Variants in NRG1 observed in about 807,000 individuals in gnomAD.
NRG1 encodes the protein pro-neuregulin-1, membrane-bound isoform.
In NRG1, 18 loss-of-function variants were observed where a neutral mutation model predicts 63.8. That is an observed-to-expected ratio of 0.28 (90% confidence interval 0.19 to 0.42). The LOEUF (loss-of-function observed/expected upper bound fraction) is 0.42, where lower values mean the gene tolerates loss of function less well. Ranked by LOEUF, NRG1 falls within the 10% of genes least tolerant of loss-of-function variation. NRG1 has a pLI of 1.00. For synonymous variants in NRG1, 302 were observed against 301.3 expected (o/e 1.00, Z -0.02); for missense variants, 762 against 814.7 (o/e 0.94, Z 0.79).
intron 1 of NRG1, among the ~76,000 whole-genome samples, chr8:31,909,390 T>G (rs980170261): frequency 2.0e-5 from 3 of 152,058 alleles, no homozygotes; most frequent in Non-Finnish European, 4.4e-5. Context: ...AGCAGAGGTC[T>G]TGACCAGACC....
chr8:31,645,623 A>G (rs1372945390), intron 1 of NRG1, among the ~76,000 whole-genome samples: 1 of 152,218 alleles, frequency 6.6e-6, no homozygotes, highest in African/African-American at 2.4e-5. Context: ...CAGACTTGCC[A>G]TCCAGGCATC....
chr8:32,659,743 G>A (rs1204386613), intron 5 of NRG1, among the ~76,000 whole-genome samples: 5 of 152,034 alleles, frequency 3.3e-5, no homozygotes, highest in East Asian at 1.9e-4. Flanking sequence ...TCTTCATCCC[G>A]ATGGACCATG....
exon 12 of NRG1, chr8:32,767,417 A>G (rs1036062110): frequency 6.6e-6 from 1 of 152,246 alleles, no homozygotes; most frequent in African/African-American, 2.4e-5. Flanking sequence ...TCCACCAGCC[A>G]GAGATTTCTA....
In NRG1 at chr8:32,163,639, A is replaced by G. The variant is rs115879589; in HGVS notation, c.38-432189A>G. Among the ~76,000 whole-genome samples the G allele has an allele frequency of 4.9e-3, 749 of 152,284 alleles. 5 individuals carry two copies. The highest frequency in any genetic ancestry group is 0.017 in the African/African-American group (718 of 41,566). On this transcript the variant is annotated intron_variant, in intron 1 of 10. Coordinates refer to the NRG1 transcript ENST00000519301. ...TCAGAAATGTTATCTTATGTTTTTT[A>G]TCCCTAAGAATGGGGTCATAGTCTT... is the stretch of plus-strand genomic sequence containing the variant.
intron 1 of NRG1, among the ~76,000 whole-genome samples, chr8:31,805,080 A>G (rs1009480651): frequency 1.3e-5 from 2 of 152,358 alleles, no homozygotes; most frequent in African/African-American, 4.8e-5. Context: ...TTATCCTTTC[A>G]ATTCTGAGTT....
At chr8:32,426,722 A>G (rs899960417) in intron 1 of NRG1, among the ~76,000 whole-genome samples, 1 of 152,168 alleles carries the variant, frequency 6.6e-6, no homozygotes, top group Admixed American at 6.5e-5. Context: ...GCATATGCCC[A>G]GGATAAGCTT....
At chr8:32,391,212 C>G (rs1197674835) in intron 1 of NRG1, among the ~76,000 whole-genome samples, 1 of 151,898 alleles carries the variant, frequency 6.6e-6, no homozygotes, top group Non-Finnish European at 1.5e-5. Context: ...CTCACTGCAG[C>G]CTCTACCTCC....
Position 32,760,191 on chromosome 8 carries a change from C to T in NRG1, c.1053-9C>T, listed in dbSNP as rs2129057988. On this transcript the variant is annotated splice_polypyrimidine_tract_variant and intron_variant, in intron 10 of 11. Coordinates refer to ENST00000356819, the Ensembl canonical transcript of NRG1. ...AAATATCTGATTGTCTCTCCCATTT[C>T]CTCCGCAGCTGGAGCAACGGACACA... 6 of 1,613,770 alleles carry T rather than the reference C, an allele frequency of 3.7e-6. No homozygotes were observed. The highest frequency in any genetic ancestry group is 5.1e-6 in the Non-Finnish European group (6 of 1,179,850).
At chr8:31,681,765 T>G (rs2131065802) in intron 1 of NRG1, among the ~76,000 whole-genome samples, 1 of 151,260 alleles carries the variant, frequency 6.6e-6, no homozygotes, top group African/African-American at 2.4e-5. Context: ...GACCATAATA[T>G]TCACAGAATA....
chr8:32,773,353 G>C (rs1003355172), intron 7 of NRG1, among the ~76,000 whole-genome samples: 1 of 152,040 alleles, frequency 6.6e-6, no homozygotes, highest in Admixed American at 6.6e-5. Context: ...GTGAAGGGAA[G>C]GAACTTGAAT....
intron 1 of NRG1, among the ~76,000 whole-genome samples, chr8:32,535,698 A>G (rs71512638): frequency 6.6e-6 from 1 of 152,066 alleles, no homozygotes; most frequent in Non-Finnish European, 1.5e-5. Flanking sequence ...CTCTTTGTGA[A>G]TTTTTTCCAA....
intron 1 of NRG1, among the ~76,000 whole-genome samples, chr8:32,315,287 C>T (rs552763832): frequency 6.6e-6 from 1 of 152,268 alleles, no homozygotes; most frequent in African/African-American, 2.4e-5. Flanking sequence ...TCCCTGTGTC[C>T]ATGTGTTCTC....
At chr8:32,515,038 G>A (rs1039980851) in intron 1 of NRG1, among the ~76,000 whole-genome samples, 1 of 152,066 alleles carries the variant, frequency 6.6e-6, no homozygotes, top group South Asian at 2.1e-4. Context: ...GGGCACATAG[G>A]TTGAGTCCAT....
In NRG1 at chr8:32,317,822, A is replaced by G. The variant is rs1210900514; in HGVS notation, c.38-278006A>G. ...TTGTTATATAGCTGGGCAGAGTGAC[A>G]TTTTTGGCTGTATTCTAGTGTTGAG... On this transcript the variant is annotated intron_variant, in intron 1 of 10. Transcript: ENST00000519301. Among the ~76,000 whole-genome samples the G allele has an allele frequency of 2.6e-5, 4 of 152,208 alleles. No individual in the cohort carries two copies. The South Asian group carries it at 8.3e-4, about 32-fold the overall frequency.
chr8:32,722,131 C>A (rs563079744), intron 5 of NRG1: 3 of 1,102,754 alleles, frequency 2.7e-6, no homozygotes, highest in African/African-American at 1.6e-5. Context: ...AAGCAAATGG[C>A]GTAGAGTTAT....
intron 1 of NRG1, among the ~76,000 whole-genome samples, chr8:31,851,204 T>A (rs1054908895): frequency 2.0e-5 from 3 of 152,228 alleles, no homozygotes; most frequent in Non-Finnish European, 4.4e-5. Context: ...TCTATATTGC[T>A]AATTAAAAAA....
intron 1 of NRG1, among the ~76,000 whole-genome samples, chr8:31,645,370 AG>A (rs1804192768): frequency 6.6e-6 from 1 of 152,180 alleles, no homozygotes. Context: ...GGTCATTTTA[AG>A]TTGAGGGATT....
intron 1 of NRG1, among the ~76,000 whole-genome samples, chr8:31,850,587 G>T (rs943722532): frequency 1.3e-5 from 2 of 152,084 alleles, no homozygotes; most frequent in Non-Finnish European, 2.9e-5. Flanking sequence ...TTTCTTGCCT[G>T]TCCTCCCTGC....
intron 1 of NRG1, among the ~76,000 whole-genome samples, chr8:32,474,495 CTT>C (rs10707813): frequency 0.013 from 1,703 of 132,356 alleles, 20 homozygotes; most frequent in East Asian, 0.054. Context: ...GTGATATTCC[CTT>C]TTTTTTTTTT....
Sources: allele counts gnomAD v4.1 joint callset (sites outside exome capture counted in the v4.1 genomes callset), GRCh38; gene constraint gnomAD v4.1.1; transcripts MANE v1.5; gene names NCBI Gene and HGNC (gene_info 2026-07-23, HGNC 2026-07-21).